PDE9A: variants seen among roughly 807,000 people sequenced by gnomAD.
PDE9A encodes high affinity cGMP-specific 3',5'-cyclic phosphodiesterase 9A.
Under a neutral mutation model 87.4 loss-of-function variants are expected in PDE9A, and 60 were observed. That is an observed-to-expected ratio of 0.69 (90% CI 0.56 to 0.85). The LOEUF is 0.85. Ranked by LOEUF, PDE9A falls within the 40% of genes least tolerant of loss-of-function variation. The pLI, the probability that PDE9A is intolerant of heterozygous loss-of-function variation, is 0.00. For synonymous variants in PDE9A, 272 were observed against 279.4 expected, an observed-to-expected ratio of 0.97 and a Z score of 0.27; for missense variants, 665 against 779.0, an observed-to-expected ratio of 0.85 and a Z score of 1.74.
intron 4 of PDE9A, among the ~76,000 whole-genome samples, chr21:42,727,419 G>A (rs2051242188): frequency 6.6e-6 from 1 of 150,584 alleles, no homozygotes; most frequent in Non-Finnish European, 1.5e-5. Context: ...AACCTCCCAA[G>A]CTCAAGCAAT....
chr21:42,680,537 G>C (rs139556169), intron 1 of PDE9A, among the ~76,000 whole-genome samples: 2 of 152,340 alleles, frequency 1.3e-5, no homozygotes, highest in African/African-American at 2.4e-5. Context: ...AACAGGCTTG[G>C]TGGCAAAGCA....
At chr21:42,744,470 G>C (rs1246969146) in intron 8 of PDE9A, among the ~76,000 whole-genome samples, 1 of 152,216 alleles carries the variant, frequency 6.6e-6, no homozygotes, top group Non-Finnish European at 1.5e-5. Context: ...GGAATAAGTT[G>C]ATATCCACTT....
chr21:42,686,091 C>G (rs888070058), intron 1 of PDE9A, 101 bp from the exon 2 acceptor site: 3 of 804,728 alleles, frequency 3.7e-6, no homozygotes, highest in African/African-American at 3.4e-5. Flanking sequence ...CTTTTCAAAA[C>G]GAACCTTCAG....
intron 8 of PDE9A, among the ~76,000 whole-genome samples, chr21:42,747,178 T>C (rs1692784424): frequency 6.6e-6 from 1 of 152,238 alleles, no homozygotes; most frequent in Non-Finnish European, 1.5e-5. Flanking sequence ...ATATTCGTGT[T>C]GTCCCTTTTG....
chr21:42,670,320 TCACATTCACA>T (rs1555902219), intron 1 of PDE9A, among the ~76,000 whole-genome samples: 7 of 139,930 alleles, frequency 5.0e-5, no homozygotes, highest in African/African-American at 5.8e-5. Flanking sequence ...GACACCACAC[TCACATTCACA>T]CACATTCACA....
At position 42,760,605 on chromosome 21, in the gene PDE9A, C is replaced by T. The variant is rs972115154; in HGVS notation, c.1002+173C>T. Among the ~76,000 whole-genome samples the T allele has an allele frequency of 2.0e-5, 3 of 151,970 alleles. No individual in the cohort carries two copies. The highest frequency in any genetic ancestry group is 4.4e-5 in the Non-Finnish European group (3 of 67,936). Reference sequence around the variant, plus strand: ...CCACCGTTGTCAGTCACCCCATGGGCGAGGCTGCTCCTAGGATTACGAGAG... The same window carrying T: ...CCACCGTTGTCAGTCACCCCATGGGTGAGGCTGCTCCTAGGATTACGAGAG... On this transcript the variant is annotated intron_variant, in intron 12 of 19. Transcript: ENST00000291539. The surrounding 1 kb of genome is among the most constrained non-coding windows in gnomAD (Gnocchi z 5.2).
At chr21:42,740,755 G>GGATAGATAGGTA (rs2053148148) in intron 7 of PDE9A, among the ~76,000 whole-genome samples, 1 of 140,088 alleles carries the variant, frequency 7.1e-6, no homozygotes, top group Non-Finnish European at 1.5e-5. Flanking sequence ...TAGATAAACA[G>GGATAGATAGGTA]GATAGATAGA....
intron 1 of PDE9A, among the ~76,000 whole-genome samples, chr21:42,666,144 CGA>C (rs1320122533): frequency 6.6e-6 from 1 of 151,950 alleles, no homozygotes; most frequent in Non-Finnish European, 1.5e-5. Flanking sequence ...TGGCCACAAC[CGA>C]GAGGGCGTGG....
At chr21:42,707,957 G>T (rs933894066) in intron 4 of PDE9A, among the ~76,000 whole-genome samples, 3 of 152,184 alleles carry the variant, frequency 2.0e-5, no homozygotes, top group African/African-American at 7.2e-5. Context: ...TGGAATTGCT[G>T]AATTTTAATA....
intron 1 of PDE9A, among the ~76,000 whole-genome samples, chr21:42,666,335 C>T (rs1048503170): frequency 3.3e-5 from 5 of 152,092 alleles, no homozygotes; most frequent in Admixed American, 6.5e-5. Flanking sequence ...GAAGTCTCCC[C>T]GCCTCCCAAG....
chr21:42,660,383 C>T lies in PDE9A; in HGVS notation c.69+6500C>T, dbSNP rs1032705116. Among the ~76,000 whole-genome samples the T allele has an allele frequency of 1.3e-5, 2 of 152,070 alleles. No homozygotes were observed. Among genetic ancestry groups the T allele is most frequent in the Non-Finnish European group, 2.9e-5 (2 of 67,998 alleles). ...GACGGCTCGCAGAGAAGGCAGTTTG[C>T]GAGTCAGTGCCTGGCTTGTGGAGGT... On this transcript the variant is annotated intron_variant, in intron 1 of 19. Transcript: ENST00000291539. This position sits in a 1 kb window ranked among gnomAD's most constrained non-coding sequence, Gnocchi z 4.7.
chr21:42,690,804 C>G (rs2059784219), intron 3 of PDE9A, among the ~76,000 whole-genome samples: 1 of 152,128 alleles, frequency 6.6e-6, no homozygotes, highest in African/African-American at 2.4e-5. Context: ...TCCAACTTAC[C>G]CCTGTACCCA....
intron 1 of PDE9A, among the ~76,000 whole-genome samples, chr21:42,661,154 C>A (rs2057452830): frequency 6.6e-6 from 1 of 151,826 alleles, no homozygotes; most frequent in Non-Finnish European, 1.5e-5. Context: ...GCCTCAGCCT[C>A]CGGAGTAGCT....
At chr21:42,767,052 T>G (rs11203214) in intron 15 of PDE9A, among the ~76,000 whole-genome samples, 61,039 of 151,430 alleles carry the variant, frequency 0.4, 12,533 homozygotes, top group South Asian at 0.56. Context: ...CCCAACGACC[T>G]GCACCGCGGG....
chr21:42,661,121 T>G (rs1443423953), intron 1 of PDE9A, among the ~76,000 whole-genome samples: 1 of 151,054 alleles, frequency 6.6e-6, no homozygotes, highest in African/African-American at 2.4e-5. Context: ...AACCTCCGCC[T>G]CCCAGGTTCA....
intron 9 of PDE9A, among the ~76,000 whole-genome samples, chr21:42,752,949 G>A (rs1413690617): frequency 6.6e-6 from 1 of 152,196 alleles, no homozygotes; most frequent in Non-Finnish European, 1.5e-5. Flanking sequence ...TAACTTCTTA[G>A]GTGGTATCTG....
intron 15 of PDE9A, chr21:42,765,751 T>G (rs575047247): frequency 2.1e-6 from 1 of 466,066 alleles, no homozygotes; most frequent in African/African-American, 2.0e-5. Flanking sequence ...AGGAGATAAG[T>G]GGGTGAAGGC....
chr21:42,774,881 C>CA (rs371603677), intron 19 of PDE9A, among the ~76,000 whole-genome samples: 27,578 of 112,230 alleles, frequency 0.25, 3,688 homozygotes, highest in African/African-American at 0.36. Flanking sequence ...GACTCCATCT[C>CA]AAAAAAAAAA....
At chr21:42,743,749 C>G (rs956003443) in intron 7 of PDE9A, 27 bp from the exon 8 acceptor site, 1 of 1,446,452 alleles carries the variant, frequency 6.9e-7, no homozygotes, top group Non-Finnish European at 9.6e-7. Flanking sequence ...GTGGTAACCC[C>G]CTTGCTGTCT....
Sources: gnomAD v4.1 joint callset for allele counts (sites outside exome capture counted in the v4.1 genomes callset) on GRCh38, gnomAD v4.1.1 for gene constraint, Gnocchi (gnomAD v3.1) non-coding constraint, MANE v1.5 for transcripts, NCBI Gene and HGNC (gene_info 2026-07-23, HGNC 2026-07-21) for gene names.